The following RPRD2 variants were observed in gnomAD, a reference collection of about 807,000 sequenced individuals.
The protein encoded by RPRD2 is regulation of nuclear pre-mRNA domain-containing protein 2.
A neutral mutation model predicts 104.4 loss-of-function variants in RPRD2; 12 were observed. The ratio of observed to expected loss-of-function variants is 0.11; its 90% CI spans 0.07 to 0.19. The LOEUF (loss-of-function observed/expected upper bound fraction) is 0.19. Ranked by LOEUF, RPRD2 falls within the 10% of genes least tolerant of loss-of-function variation. The probability of loss-of-function intolerance (pLI) is 1.00; values close to 1 mark genes in which losing one functional copy is unlikely to be tolerated. For synonymous variants in RPRD2, 714 were observed against 684.9 expected (o/e 1.04, Z -0.66); for missense variants, 1,543 against 1,790.1 (o/e 0.86, Z 2.49).
chr1:150,397,129 A>T (rs782096721), intron 1 of RPRD2, among the ~76,000 whole-genome samples: 3 of 151,932 alleles, frequency 2.0e-5, no homozygotes, highest in Non-Finnish European at 2.9e-5. Context: ...ACCTGCCACC[A>T]CCTTCAGTTA....
chr1:150,413,755 G>A (rs923651880), intron 1 of RPRD2, among the ~76,000 whole-genome samples: 32 of 150,326 alleles, frequency 2.1e-4, no homozygotes, highest in South Asian at 1.9e-3. Context: ...GAGAAACCCC[G>A]TCTCTACTTA....
rs1344954769 is a variant in RPRD2, at chr1:150,471,934, G to A, written c.2986G>A (p.Val996Ile). The A allele has an allele frequency of 1.2e-6, 2 of 1,613,850 alleles. No individual in the cohort carries two copies. Among genetic ancestry groups the A allele is most frequent in the South Asian group, 2.2e-5 (2 of 91,066 alleles). ...CCCACCCACGTCAGGCGTGGAGAAA[G>A]TCCTGGCCTCCACCATTTCCACCAC... Reference protein sequence around the residue: ...GHPPTSGVEKVLASTISTTST... With the variant: ...GHPPTSGVEKILASTISTTST... Residue 996 changes from valine to isoleucine, a missense_variant, in exon 11 of 11, where the codon GTC becomes ATC. By Grantham distance (29) the Val-to-Ile change is conservative. This residue lies in a region of RPRD2 where 880 missense variants were observed against 885.6 expected (regional missense o/e 0.99). Coordinates refer to ENST00000369068, the MANE Select transcript of RPRD2 (RefSeq NM_015203.5). The surrounding 1 kb of genome is among the most constrained non-coding windows in gnomAD (Gnocchi z 5.3).
At chr1:150,377,491 G>A (rs920699004) in intron 1 of RPRD2, among the ~76,000 whole-genome samples, 5 of 151,882 alleles carry the variant, frequency 3.3e-5, no homozygotes, top group Admixed American at 2.6e-4. Context: ...CCAGCTACTC[G>A]GGAGGCTGAG....
chr1:150,462,854 CATTT>C (rs1361414717), intron 9 of RPRD2, among the ~76,000 whole-genome samples: 1 of 152,118 alleles, frequency 6.6e-6, no homozygotes, highest in Non-Finnish European at 1.5e-5. Flanking sequence ...CGCATCCGGC[CATTT>C]ATTTATTTAT....
intron 10 of RPRD2, 54 bp downstream of exon 10, chr1:150,464,781 A>T: frequency 7.3e-7 from 1 of 1,378,272 alleles, no homozygotes; most frequent in Non-Finnish European, 1.0e-6. Flanking sequence ...CTCTGGCTTA[A>T]ATTAATCCTG....
At chr1:150,463,866 G>A (rs1003767542) in intron 9 of RPRD2, among the ~76,000 whole-genome samples, 9 of 152,180 alleles carry the variant, frequency 5.9e-5, no homozygotes, top group Non-Finnish European at 1.3e-4. Context: ...GATTGTCCAG[G>A]TGTGGTGGTA....
intron 1 of RPRD2, among the ~76,000 whole-genome samples, chr1:150,405,409 T>A (rs587601066): frequency 6.6e-6 from 1 of 151,872 alleles, no homozygotes; most frequent in Non-Finnish European, 1.5e-5. Context: ...AATTTTTTAT[T>A]TTTTTTTGGT....
intron 8 of RPRD2, among the ~76,000 whole-genome samples, chr1:150,459,779 A>G (rs1463400595): frequency 6.6e-6 from 1 of 152,028 alleles, no homozygotes; most frequent in Non-Finnish European, 1.5e-5. Context: ...TTTTTTGTGG[A>G]GGCAGGATTT....
At chr1:150,464,012 T>C (rs1668104482) in intron 9 of RPRD2, among the ~76,000 whole-genome samples, 2 of 152,150 alleles carry the variant, frequency 1.3e-5, no homozygotes, top group Non-Finnish European at 1.5e-5. Context: ...ATTGGGGCTC[T>C]CAAAACTATG....
chr1:150,384,890 G>A (rs587662250), intron 1 of RPRD2, among the ~76,000 whole-genome samples: 1 of 152,116 alleles, frequency 6.6e-6, no homozygotes, highest in South Asian at 2.1e-4. Context: ...TGGTGGTGGC[G>A]TGTGAAGTCC....
chr1:150,433,666 A>C lies in RPRD2; in HGVS notation c.336-7257A>C, dbSNP rs112655945. On this transcript the variant is annotated intron_variant, in intron 2 of 10. Coordinates refer to ENST00000369068, the MANE Select transcript of RPRD2 (RefSeq NM_015203.5). ...TCACAGTGTTAGCCAGGATGGTCTCAATCTGCAGACCTCGTGATCCGCCCG... is the reference window on the plus strand; with the variant it reads ...TCACAGTGTTAGCCAGGATGGTCTCCATCTGCAGACCTCGTGATCCGCCCG... 1.1e-4 allele frequency among the ~76,000 whole-genome samples: 17 copies of C among 148,462 alleles called. No individual in the cohort carries two copies. The Admixed American group carries it at 1.1e-3, about 10-fold the overall frequency.
chr1:150,409,217 G>C (rs1261021801), intron 1 of RPRD2, among the ~76,000 whole-genome samples: 2 of 152,064 alleles, frequency 1.3e-5, no homozygotes, highest in Non-Finnish European at 2.9e-5. Context: ...GTAGATTGTT[G>C]AGGAATTGAT....
At chr1:150,463,371 A>C (rs1668066532) in intron 9 of RPRD2, among the ~76,000 whole-genome samples, 1 of 152,180 alleles carries the variant, frequency 6.6e-6, no homozygotes, top group African/African-American at 2.4e-5. Context: ...TTAATATATA[A>C]CTAAATTGAT....
chr1:150,470,813 T>C lies in RPRD2; in HGVS notation c.1865T>C (p.Phe622Ser), dbSNP rs757312003. ...GQSPGLPSTT[F>S]KLPSNSLGFT... ...AGCCCAGGGCTCCCAAGCACTACTT[T>C]TAAACTACCTTCCAACTCTTTGGGG... is the stretch of plus-strand genomic sequence containing the variant. The change falls in exon 11 of 11, where the codon TTT becomes TCT. Residue 622 changes from phenylalanine to serine, a missense_variant. Physicochemically the swap from Phe to Ser is radical, Grantham distance 155 (BLOSUM62 -2). Around this residue, in one of 4 missense-constraint regions of RPRD2, gnomAD observed 572 missense variants for 787.3 expected, o/e 0.73. Coordinates refer to ENST00000369068, the MANE Select transcript of RPRD2 (RefSeq NM_015203.5). The C allele has an allele frequency of 1.5e-5, 24 of 1,613,840 alleles. No homozygotes were observed. The highest frequency in any genetic ancestry group is 2.0e-5 in the Non-Finnish European group (24 of 1,179,900).
rs1664811797 is a variant in RPRD2, at chr1:150,422,266, C to T, written c.335+4541C>T. On this transcript the variant is annotated intron_variant, in intron 2 of 10. Coordinates refer to ENST00000369068, the MANE Select transcript of RPRD2 (RefSeq NM_015203.5). ...GGCTGAGGCAGGAGAATGGCATGAACCCGGGAAGCAGAGCTTGCAGTGAGC... is the reference window on the plus strand; with the variant it reads ...GGCTGAGGCAGGAGAATGGCATGAATCCGGGAAGCAGAGCTTGCAGTGAGC... 2.0e-5 allele frequency among the ~76,000 whole-genome samples: 3 copies of T among 149,882 alleles called. No homozygotes were observed. In the South Asian group the frequency reaches 6.3e-4, roughly 32 times the overall value.
intron 1 of RPRD2, among the ~76,000 whole-genome samples, chr1:150,372,971 G>A (rs1170291057): frequency 1.3e-5 from 2 of 151,938 alleles, no homozygotes; most frequent in African/African-American, 2.4e-5. Context: ...TTTTTATTCA[G>A]AGTGAGATGG....
intron 1 of RPRD2, among the ~76,000 whole-genome samples, chr1:150,372,506 G>GAC (rs143656895): frequency 1.1e-4 from 17 of 150,298 alleles, no homozygotes; most frequent in East Asian, 9.9e-4. Context: ...CACACACACA[G>GAC]ACACACACAC....
intron 2 of RPRD2, among the ~76,000 whole-genome samples, chr1:150,424,273 A>G (rs1419467597): frequency 6.6e-6 from 1 of 151,678 alleles, no homozygotes; most frequent in Non-Finnish European, 1.5e-5. Context: ...AGCAGATTGG[A>G]TTTTATTATT....
chr1:150,416,411 G>A (rs1224073764), intron 1 of RPRD2, among the ~76,000 whole-genome samples: 2 of 152,064 alleles, frequency 1.3e-5, no homozygotes, highest in Non-Finnish European at 1.5e-5. Flanking sequence ...CAAAGGAGTG[G>A]TTCTTGGAGG....
Sources: gnomAD v4.1 joint callset for allele counts (sites outside exome capture counted in the v4.1 genomes callset) on GRCh38, gnomAD v4.1.1 for gene constraint, gnomAD v4.1.1 regional missense constraint, Gnocchi (gnomAD v3.1) non-coding constraint, MANE v1.5 for transcripts, NCBI Gene and HGNC (gene_info 2026-07-23, HGNC 2026-07-21) for gene names.